Variants in GPAT3 observed in about 807,000 individuals in gnomAD.
GPAT3 encodes the protein 1-AGP acyltransferase 9.
Under a neutral mutation model 58.8 loss-of-function variants are expected in GPAT3, and 53 were observed. That is an observed-to-expected ratio of 0.90 (90% CI 0.72 to 1.13). The LOEUF (loss-of-function observed/expected upper bound fraction) is 1.13. Among genes scored for constraint, GPAT3 ranks in the 50% most tolerant of loss-of-function variants. The pLI is 0.00. For missense variants in GPAT3, 511 were observed against 527.6 expected (o/e 0.97, Z 0.31); for synonymous variants, 197 against 187.4 (o/e 1.05, Z -0.42).
chr4:83,548,608 C>G (rs1003616291), intron 2 of GPAT3, among the ~76,000 whole-genome samples: 2 of 151,348 alleles, frequency 1.3e-5, no homozygotes, highest in Admixed American at 6.6e-5. Flanking sequence ...AAGGCGGTGG[C>G]TTGTCATTTT....
chr4:83,580,573 T>C (rs956732041), intron 2 of GPAT3, among the ~76,000 whole-genome samples: 1 of 152,226 alleles, frequency 6.6e-6, no homozygotes, highest in Non-Finnish European at 1.5e-5. Context: ...ACAAAGTTGC[T>C]ACTACTTCCG....
chr4:83,583,300 A>G (rs1055539816), intron 3 of GPAT3, among the ~76,000 whole-genome samples: 2 of 152,018 alleles, frequency 1.3e-5, no homozygotes, highest in African/African-American at 4.8e-5. Context: ...ATCCAAAAAA[A>G]AAAGAAAGAA....
intron 2 of GPAT3, among the ~76,000 whole-genome samples, chr4:83,577,788 C>CCTT (rs1725872215): frequency 1.5e-5 from 1 of 66,690 alleles, no homozygotes; most frequent in Non-Finnish European, 3.0e-5. Flanking sequence ...GTCATTGTGG[C>CCTT]TTTTTTTTTT....
intron 1 of GPAT3, among the ~76,000 whole-genome samples, chr4:83,540,171 A>AG (rs1724244740): frequency 6.6e-6 from 1 of 152,024 alleles, no homozygotes; most frequent in Admixed American, 6.6e-5. Context: ...AAAAAAAAAA[A>AG]AAAAAAGAAA....
In GPAT3 at chr4:83,536,308, T is replaced by C; in HGVS notation, c.-315T>C. On this transcript the variant is annotated 5_prime_UTR_variant, in exon 1 of 12. Transcript: ENST00000264409. ...CTCGCGCGCTCTGCCCGCGCCGCGG[T>C]GTGCCTCCGCTTACCCGCAGCTCCG... 9.2e-7 allele frequency: 1 copy of C among 1,083,738 alleles called. No homozygotes were observed. The highest frequency in any genetic ancestry group is 1.1e-6 in the Non-Finnish European group (1 of 893,578). The allele number at this position is 1,083,738 out of a possible 1,614,324, so 67.1% of individuals were successfully genotyped here.
chr4:83,588,297 C>T lies in GPAT3; in HGVS notation c.642C>T (p.Asn214=). ...RALSGTIHYH[N]KQYRPQKGGI... is the part of the protein sequence containing the mutation. ...TCTCTGGTACCATTCATTATCATAA[C>T]AAGTGAGTATCTGCTCCAATGTGCC... Residue 214 remains asparagine (N), a splice_region_variant and synonymous_variant, in exon 5 of 12, where the codon AAC becomes AAT. Coordinates refer to ENST00000264409, the MANE Select transcript of GPAT3 (RefSeq NM_032717.5). 6.5e-7 allele frequency: 1 copy of T among 1,543,468 alleles called. No individual in the cohort carries two copies. Among genetic ancestry groups the T allele is most frequent in the Non-Finnish European group, 8.7e-7 (1 of 1,153,752 alleles).
At chr4:83,588,330 T>G in intron 5 of GPAT3, 31 bp downstream of exon 5, 1 of 1,591,530 alleles carries the variant, frequency 6.3e-7, no homozygotes, top group African/African-American at 1.3e-5. Context: ...GCCTGTCTTT[T>G]TCTAGGTCAA....
intron 2 of GPAT3, among the ~76,000 whole-genome samples, chr4:83,575,045 T>TG (rs1335759890): frequency 6.6e-6 from 1 of 151,820 alleles, no homozygotes; most frequent in Non-Finnish European, 1.5e-5. Flanking sequence ...CCAGTCTAAT[T>TG]TTTTGTATTT....
chr4:83,596,958 C>A (rs773511733), intron 8 of GPAT3, 45 bp downstream of exon 8: 1 of 1,538,784 alleles, frequency 6.5e-7, no homozygotes, highest in South Asian at 1.2e-5. Context: ...TAACAACAAA[C>A]CATCAAAAGT....
intron 2 of GPAT3, among the ~76,000 whole-genome samples, chr4:83,567,695 G>C (rs1247254030): frequency 6.6e-6 from 1 of 152,182 alleles, no homozygotes; most frequent in Non-Finnish European, 1.5e-5. Flanking sequence ...CACTTTGGGA[G>C]GCTGAGGCGG....
chr4:83,539,131 C>T (rs962079337), intron 1 of GPAT3, among the ~76,000 whole-genome samples: 4 of 152,188 alleles, frequency 2.6e-5, no homozygotes, highest in African/African-American at 9.7e-5. Flanking sequence ...AAAGACATTT[C>T]TGTTAGACTG....
In GPAT3 at chr4:83,569,543, TATGTCATCTGTGAG is replaced by T. The variant is rs1725525392; in HGVS notation, c.209-12014_209-12001del. ...GGGATTATCCTTTCTAAACCTTGACTATGTCATCTGTGAGATGTGTAGGGAAGCTGCTTCTGCCG... is the reference window on the plus strand; with the variant it reads ...GGGATTATCCTTTCTAAACCTTGACTATGTGTAGGGAAGCTGCTTCTGCCG... On this transcript the variant is annotated intron_variant, in intron 2 of 11. Transcript: ENST00000264409. 2.1e-5 allele frequency among the ~76,000 whole-genome samples: 3 copies of T among 145,880 alleles called. No individual in the cohort carries two copies. The South Asian group carries it at 6.9e-4, about 34-fold the overall frequency.
intron 2 of GPAT3, among the ~76,000 whole-genome samples, chr4:83,576,571 G>C (rs2110092919): frequency 6.6e-6 from 1 of 152,068 alleles, no homozygotes; most frequent in African/African-American, 2.4e-5. Context: ...AGCCTCCCAA[G>C]TAGCTGGAAT....
intron 2 of GPAT3, among the ~76,000 whole-genome samples, chr4:83,553,313 A>C (rs1724821548): frequency 6.6e-6 from 1 of 152,228 alleles, no homozygotes; most frequent in South Asian, 2.1e-4. Context: ...CATCTAAGGA[A>C]ACTAGCTAGG....
chr4:83,597,347 T>A (rs1726881443), intron 8 of GPAT3, 83 bp from the exon 9 acceptor site: 1 of 741,986 alleles, frequency 1.3e-6, no homozygotes, highest in Admixed American at 3.7e-5. Flanking sequence ...AATTATTTTA[T>A]ATCAAAATAA....
intron 2 of GPAT3, among the ~76,000 whole-genome samples, chr4:83,578,530 C>T (rs936892330): frequency 6.6e-6 from 1 of 152,308 alleles, no homozygotes; most frequent in Non-Finnish European, 1.5e-5. Context: ...ATTCTTATCT[C>T]TGGCCCCTCT....
At chr4:83,547,533 T>C (rs1189647005) in intron 2 of GPAT3, among the ~76,000 whole-genome samples, 3 of 152,118 alleles carry the variant, frequency 2.0e-5, no homozygotes, top group Non-Finnish European at 4.4e-5. Context: ...ATTACAGGCG[T>C]GAGCTACTGC....
Position 83,590,210 on chromosome 4 carries a change from C to T in GPAT3, c.656C>T (p.Pro219Leu), listed in dbSNP as rs757521601. 11 of 1,613,656 alleles carry T rather than the reference C, an allele frequency of 6.8e-6. No homozygotes were observed. Among genetic ancestry groups the T allele is most frequent in the Non-Finnish European group, 9.3e-6 (11 of 1,179,788 alleles). The change falls in exon 6 of 12, where the codon CCC becomes CTC. Residue 219 changes from proline (P) to leucine (L), a missense_variant. Pro to Leu is a moderately conservative substitution (Grantham distance 98). Transcript: ENST00000264409. ...GTTTGTAATTGCAGGCAGTACAGAC[C>T]CCAGAAGGGAGGCATTTGTGTTGCC... is the stretch of plus-strand genomic sequence containing the variant. ...TIHYHNKQYRPQKGGICVANH... is the reference protein window; with the variant it reads ...TIHYHNKQYRLQKGGICVANH...
intron 7 of GPAT3, 184 bp downstream of exon 7, chr4:83,595,144 C>T (rs1189941348): frequency 1.9e-6 from 1 of 519,998 alleles, no homozygotes; most frequent in Admixed American, 3.4e-5. Context: ...ATTCTGTAGT[C>T]ATGGTAGGAT....
Sources: gnomAD v4.1 joint callset for allele counts (sites outside exome capture counted in the v4.1 genomes callset) on GRCh38, gnomAD v4.1.1 for gene constraint, MANE v1.5 for transcripts, NCBI Gene and HGNC (gene_info 2026-07-23, HGNC 2026-07-21) for gene names.